Variants in EHHADH observed in about 807,000 individuals in gnomAD.
EHHADH encodes enoyl-CoA hydratase and 3-hydroxyacyl CoA dehydrogenase.
A neutral mutation model predicts 64.4 loss-of-function variants in EHHADH; 48 were observed. The observed-to-expected ratio is 0.75, with a 90% confidence interval of 0.59 to 0.95. The LOEUF is 0.95. EHHADH is among the 40% of genes least tolerant of loss of function. The probability of loss-of-function intolerance (pLI) is 0.00; values close to 1 mark genes in which losing one functional copy is unlikely to be tolerated. For missense variants in EHHADH, 854 were observed against 876.6 expected, an observed-to-expected ratio of 0.97 and a Z score of 0.33; for synonymous variants, 308 against 326.7, an observed-to-expected ratio of 0.94 and a Z score of 0.62.
rs539649315 is a variant in EHHADH at position 185,217,285 on chromosome 3, G to A, written c.568+851C>T. 1.1e-3 allele frequency among the ~76,000 whole-genome samples: 161 copies of A among 152,236 alleles called. 1 individual carries two copies. Among genetic ancestry groups the A allele is most frequent in the African/African-American group, 3.6e-3 (150 of 41,556 alleles). On this transcript the variant is annotated intron_variant, in intron 5 of 6. Transcript: ENST00000231887. ...TTTGGGGCCAGGCGCGGTGGCTCAT[G>A]CCTGTAATCCCAGCACTTTGGGAGG...
At chr3:185,198,841 C>T (rs150322605) in intron 6 of EHHADH, among the ~76,000 whole-genome samples, 1 of 149,592 alleles carries the variant, frequency 6.7e-6, no homozygotes, top group South Asian at 2.1e-4. Context: ...CACAGCAAGA[C>T]CCTGTCTTCA....
chr3:185,212,055 G>C (rs951739850), intron 5 of EHHADH, among the ~76,000 whole-genome samples: 1 of 152,236 alleles, frequency 6.6e-6, no homozygotes, highest in Admixed American at 6.5e-5. Context: ...GGAAGGTAGA[G>C]AGAGAGAGAG....
At chr3:185,198,983 C>T (rs537401523) in intron 6 of EHHADH, among the ~76,000 whole-genome samples, 21 of 151,402 alleles carry the variant, frequency 1.4e-4, no homozygotes, top group Admixed American at 7.9e-4. Context: ...TCTGATTTAG[C>T]GGTGGAAAGA....
At chr3:185,215,540 C>A (rs890553761) in intron 5 of EHHADH, among the ~76,000 whole-genome samples, 2 of 152,128 alleles carry the variant, frequency 1.3e-5, no homozygotes, top group Non-Finnish European at 2.9e-5. Flanking sequence ...TATGAGAATA[C>A]TTTTTAGGGT....
chr3:185,192,740 C>A lies in EHHADH; in HGVS notation c.1658G>T (p.Arg553Met). Residue 553 changes from arginine (R) to methionine (M), a missense_variant, in exon 7 of 7, where the codon AGG becomes ATG. Coordinates refer to ENST00000231887, the MANE Select transcript of EHHADH (RefSeq NM_001966.4). ...TLLPGTPARK[R>M]GNRRYCPIPD... is the part of the protein sequence containing the mutation. The stretch of plus-strand genomic sequence containing the variant: ...AATTGGGCAGTACCTCCTATTACCC[C>A]TTTTTCGGGCAGGAGTTCCTGGAAG... 1.9e-6 allele frequency: 3 copies of A among 1,614,044 alleles called. No homozygotes were observed. Among genetic ancestry groups the A allele is most frequent in the Non-Finnish European group, 2.5e-6 (3 of 1,180,006 alleles).
chr3:185,214,032 G>T (rs1395087338), intron 5 of EHHADH, among the ~76,000 whole-genome samples: 1 of 152,130 alleles, frequency 6.6e-6, no homozygotes, highest in Non-Finnish European at 1.5e-5. Flanking sequence ...AATGGCAAAT[G>T]TTGACAAGAT....
intron 5 of EHHADH, among the ~76,000 whole-genome samples, chr3:185,211,233 C>T (rs1205699302): frequency 1.3e-5 from 2 of 152,164 alleles, no homozygotes; most frequent in South Asian, 2.1e-4. Context: ...AGTACCTATA[C>T]AATAAGAGAG....
chr3:185,198,860 A>AAC (rs1379149048), intron 6 of EHHADH, among the ~76,000 whole-genome samples: 1 of 152,100 alleles, frequency 6.6e-6, no homozygotes, highest in African/African-American at 2.4e-5. Flanking sequence ...CAAAAAAAAA[A>AAC]AATTTAAAAA....
intron 2 of EHHADH, chr3:185,246,263 A>G (rs1170242054): frequency 2.3e-6 from 2 of 856,814 alleles, no homozygotes; most frequent in African/African-American, 1.7e-5. Context: ...CGTTTTTCCT[A>G]CTGTCCTCAT....
chr3:185,199,010 A>T lies in EHHADH; in HGVS notation c.910+5406T>A, dbSNP rs1198551334. ...GTGGAAAGAGGAATTCACAATATCC[A>T]TTCCATATGGTAAAGTAAATGATGT... On this transcript the variant is annotated intron_variant, in intron 6 of 6. Transcript: ENST00000231887. Among the ~76,000 whole-genome samples the T allele has an allele frequency of 2.0e-5, 3 of 152,220 alleles. No individual in the cohort carries two copies. The East Asian group carries it at 5.8e-4, about 29-fold the overall frequency.
intron 2 of EHHADH, chr3:185,246,320 T>G: frequency 2.6e-6 from 2 of 761,106 alleles, no homozygotes; most frequent in East Asian, 2.7e-5. Context: ...GCTCCAGACT[T>G]TTGTTTCTGA....
chr3:185,241,398 A>C (rs887498005), intron 2 of EHHADH, among the ~76,000 whole-genome samples: 1 of 152,224 alleles, frequency 6.6e-6, no homozygotes, highest in African/African-American at 2.4e-5. Flanking sequence ...TAGTAGTTGT[A>C]CTAGTTTACA....
intron 2 of EHHADH, among the ~76,000 whole-genome samples, chr3:185,242,332 G>C (rs936477785): frequency 2.6e-5 from 4 of 151,754 alleles, no homozygotes; most frequent in African/African-American, 9.7e-5. Flanking sequence ...AATTCATATG[G>C]AACCAAAAAA....
intron 4 of EHHADH, among the ~76,000 whole-genome samples, chr3:185,226,647 C>T (rs1270687218): frequency 3.1e-5 from 1 of 32,254 alleles, no homozygotes; most frequent in Non-Finnish European, 7.7e-5. Context: ...GAAACTCCAT[C>T]TCCAAAAAAA....
intron 6 of EHHADH, among the ~76,000 whole-genome samples, chr3:185,201,427 C>A (rs958187035): frequency 2.6e-5 from 4 of 152,148 alleles, no homozygotes; most frequent in Non-Finnish European, 5.9e-5. Context: ...TCCCATAAAG[C>A]GCAATGGTCT....
intron 4 of EHHADH, among the ~76,000 whole-genome samples, chr3:185,220,251 G>C (rs1718797079): frequency 6.6e-6 from 1 of 152,166 alleles, no homozygotes; most frequent in Admixed American, 6.5e-5. Context: ...TTCTAACAGA[G>C]TCAATGGGAT....
intron 1 of EHHADH, chr3:185,253,717 G>A: frequency 1.0e-6 from 1 of 976,914 alleles, no homozygotes. Flanking sequence ...TCAGTAAAAC[G>A]GGGACGAGAG....
intron 6 of EHHADH, among the ~76,000 whole-genome samples, chr3:185,204,167 C>T (rs970814864): frequency 1.5e-4 from 20 of 130,412 alleles, no homozygotes; most frequent in Non-Finnish European, 2.6e-4. Context: ...AAGAATAAAA[C>T]ATTCCCAGTC....
rs760838290 is a variant in EHHADH at position 185,193,347 on chromosome 3, T to A, written c.1051A>T (p.Met351Leu). The A allele has an allele frequency of 5.6e-6, 9 of 1,614,008 alleles. No individual in the cohort carries two copies. In the East Asian group the frequency reaches 1.6e-4, roughly 28 times the overall value. The change falls in exon 7 of 7, where the codon ATG becomes TTG. Residue 351 changes from methionine to leucine, a missense_variant. Coordinates refer to ENST00000231887, the MANE Select transcript of EHHADH (RefSeq NM_001966.4). ...GACCAAGGGTGGCCGCTCTGTTGCA[T>A]TTTGGAGGCTTCTTTTTCCAAGACA... ...TSVLEKEASK[M>L]QQSGHPWSGP...
Sources: allele counts gnomAD v4.1 joint callset (sites outside exome capture counted in the v4.1 genomes callset), GRCh38; gene constraint gnomAD v4.1.1; transcripts MANE v1.5; gene names NCBI Gene and HGNC (gene_info 2026-07-23, HGNC 2026-07-21).